Variants in GDA observed in about 807,000 individuals in gnomAD.
The protein encoded by GDA is cytoplasmic PSD-95 interactor.
Under a neutral mutation model 59.6 loss-of-function variants are expected in GDA, and 18 were observed. The observed-to-expected ratio is 0.30, with a 90% CI of 0.21 to 0.45. The LOEUF (loss-of-function observed/expected upper bound fraction) is 0.45. GDA is among the 20% of genes least tolerant of loss of function. The probability of loss-of-function intolerance (pLI) is 1.00; values close to 1 mark genes in which losing one functional copy is unlikely to be tolerated. For synonymous variants in GDA, 201 were observed against 201.1 expected, an observed-to-expected ratio of 1.00 and a Z score of 0.00; for missense variants, 427 against 552.3, an observed-to-expected ratio of 0.77 and a Z score of 2.27.
intron 1 of GDA, among the ~76,000 whole-genome samples, chr9:72,137,183 A>T (rs1360069764): frequency 6.7e-6 from 1 of 149,824 alleles, no homozygotes; most frequent in Admixed American, 6.7e-5. Flanking sequence ...GATCCTTAAA[A>T]ATTAAAAAAT....
intron 1 of GDA, among the ~76,000 whole-genome samples, chr9:72,168,159 G>A (rs933785225): frequency 6.6e-6 from 1 of 152,106 alleles, no homozygotes; most frequent in Non-Finnish European, 1.5e-5. Context: ...CAGATTGGGA[G>A]GCCAAAGCAG....
chr9:72,141,726 G>A (rs1036134957), intron 1 of GDA, among the ~76,000 whole-genome samples: 2 of 152,016 alleles, frequency 1.3e-5, no homozygotes, highest in Admixed American at 1.3e-4. Context: ...TTAGATCCAC[G>A]GTCAGCTCAA....
At position 72,214,469 on chromosome 9, in the gene GDA, T is replaced by G. The variant is rs183740455; in HGVS notation, c.578+478T>G. On this transcript the variant is annotated intron_variant, in intron 5 of 13. Transcript: ENST00000358399. Reference sequence around the variant, plus strand: ...TGCCACCACACTCAGCTAATTTTTGTATTTTTAGTAGAGACGGGGTTTCAC... The same window carrying G: ...TGCCACCACACTCAGCTAATTTTTGGATTTTTAGTAGAGACGGGGTTTCAC... Among the ~76,000 whole-genome samples, 442 of 152,092 alleles carry G rather than the reference T, an allele frequency of 2.9e-3. 1 individual carries two copies. Among genetic ancestry groups the G allele is most frequent in the African/African-American group, 0.01 (431 of 41,492 alleles).
At position 72,250,878 on chromosome 9, in the gene GDA, C is replaced by A; in HGVS notation, c.*2536C>A. On this transcript the variant is annotated 3_prime_UTR_variant, in exon 14 of 14. Transcript: ENST00000358399. Reference sequence around the variant, plus strand: ...TCAAAAGTATCGATTATCATAAATTCACAAAATATTTTTGCAACCAGAACA... The same window carrying A: ...TCAAAAGTATCGATTATCATAAATTAACAAAATATTTTTGCAACCAGAACA... The A allele has an allele frequency of 1.3e-6, 2 of 1,579,786 alleles. No homozygotes were observed. Among genetic ancestry groups the A allele is most frequent in the South Asian group, 1.1e-5 (1 of 89,722 alleles).
chr9:72,238,021 A>AC (rs1248218022), intron 10 of GDA, among the ~76,000 whole-genome samples: 2 of 151,568 alleles, frequency 1.3e-5, no homozygotes, highest in Admixed American at 1.3e-4. Context: ...TGATCATGTC[A>AC]CCCCCTTGTG....
chr9:72,158,435 T>C (rs1253412910), intron 1 of GDA, among the ~76,000 whole-genome samples: 3 of 151,796 alleles, frequency 2.0e-5, no homozygotes, highest in African/African-American at 7.3e-5. Context: ...CTACTAAAAA[T>C]ACAAAAAATT....
chr9:72,203,192 A>C (rs1483164772), intron 3 of GDA, among the ~76,000 whole-genome samples: 1 of 152,220 alleles, frequency 6.6e-6, no homozygotes, highest in Admixed American at 6.5e-5. Context: ...TAATTAAGCA[A>C]GTTAATATTT....
chr9:72,234,309 G>A (rs1265597573), intron 10 of GDA, among the ~76,000 whole-genome samples: 3 of 152,120 alleles, frequency 2.0e-5, no homozygotes, highest in Non-Finnish European at 4.4e-5. Context: ...CTGGGGTGAT[G>A]GAAATGTTTA....
At chr9:72,217,478 T>C (rs1836279836) in intron 5 of GDA, among the ~76,000 whole-genome samples, 2 of 152,226 alleles carry the variant, frequency 1.3e-5, no homozygotes, top group African/African-American at 4.8e-5. Context: ...AGTTGAAAGA[T>C]GATTAATGCA....
chr9:72,118,788 A>G (rs527720256), intron 1 of GDA, among the ~76,000 whole-genome samples: 4 of 152,310 alleles, frequency 2.6e-5, no homozygotes, highest in Admixed American at 6.5e-5. Flanking sequence ...TCATATACTG[A>G]TGGTGAGAAT....
Position 72,117,493 on chromosome 9 carries a change from A to C in GDA, c.-100+2660A>C, listed in dbSNP as rs145632116. 8.6e-4 allele frequency among the ~76,000 whole-genome samples: 131 copies of C among 152,318 alleles called. 1 individual carries two copies. In the East Asian group the frequency reaches 0.024, roughly 28 times the overall value. ...TGTTGCCAAGGGTAAGCTCAAACTC[A>C]AGTGCATCAGTCAGCCATATGCAAT... On this transcript the variant is annotated intron_variant, in intron 1 of 13. Transcript: ENST00000545168.
chr9:72,222,776 G>A (rs145038797), intron 6 of GDA, among the ~76,000 whole-genome samples: 2,382 of 149,840 alleles, frequency 0.016, 56 homozygotes, highest in African/African-American at 0.056. Flanking sequence ...GTGAGATCTC[G>A]GCTCACCACA....
At chr9:72,202,811 G>A in intron 3 of GDA, 69 bp downstream of exon 3, 1 of 1,211,234 alleles carries the variant, frequency 8.3e-7, no homozygotes, top group South Asian at 1.4e-5. Flanking sequence ...TCCTAGGACA[G>A]ATTTAAATTA....
chr9:72,248,147 G>A (rs961781708), intron 13 of GDA, 125 bp from the exon 14 acceptor site: 1 of 716,504 alleles, frequency 1.4e-6, no homozygotes, highest in East Asian at 2.5e-5. Flanking sequence ...CTGAGGGTTG[G>A]GGGAAAGCAG....
Position 72,245,212 on chromosome 9 carries a change from C to A in GDA, c.1200C>A (p.Ile400=). Residue 400 remains isoleucine (I), a synonymous_variant, in exon 12 of 14, where the codon ATC becomes ATA. Coordinates refer to ENST00000358399, the MANE Select transcript of GDA (RefSeq NM_004293.5). ...GCAAGGAATTTGATGCCATCCTGAT[C>A]AACCCCAAAGCATCCGACTCTCCCA... ...EVGKEFDAIL[I]NPKASDSPID... 1 of 1,611,998 alleles carries A rather than the reference C, an allele frequency of 6.2e-7. No individual in the cohort carries two copies.
At chr9:72,241,395 T>C in intron 11 of GDA, 97 bp downstream of exon 11, 1 of 905,714 alleles carries the variant, frequency 1.1e-6, no homozygotes, top group East Asian at 2.5e-5. Flanking sequence ...ATTAGGAAAA[T>C]CCAATATTTG....
chr9:72,238,332 C>T (rs1295856720), intron 10 of GDA, among the ~76,000 whole-genome samples: 1 of 152,148 alleles, frequency 6.6e-6, no homozygotes, highest in East Asian at 1.9e-4. Context: ...ATGTCATTGC[C>T]TTAAAGAGGT....
chr9:72,182,615 T>C (rs1831394016), intron 1 of GDA, among the ~76,000 whole-genome samples: 1 of 152,212 alleles, frequency 6.6e-6, no homozygotes, highest in African/African-American at 2.4e-5. Context: ...CTTTGTAAAA[T>C]AAACTTTGTG....
At chr9:72,172,539 G>A (rs544376383) in intron 1 of GDA, among the ~76,000 whole-genome samples, 13 of 152,220 alleles carry the variant, frequency 8.5e-5, no homozygotes, top group African/African-American at 3.1e-4. Context: ...AGCTGACTAG[G>A]GGTTGACATC....
Sources: gnomAD v4.1 joint callset for allele counts (sites outside exome capture counted in the v4.1 genomes callset) on GRCh38, gnomAD v4.1.1 for gene constraint, MANE v1.5 for transcripts, NCBI Gene and HGNC (gene_info 2026-07-23, HGNC 2026-07-21) for gene names.